COL27A1: variants seen among roughly 807,000 people sequenced by gnomAD.
COL27A1 encodes collagen type XXVII alpha 1 chain.
In COL27A1, 106 loss-of-function variants were observed where a neutral mutation model predicts 251.3. That is an observed-to-expected ratio of 0.42 (90% CI 0.36 to 0.50). The LOEUF is 0.50. COL27A1 is among the 20% of genes least tolerant of loss of function. The pLI is 0.00. For missense variants in COL27A1, 2,325 were observed against 2,522.8 expected (o/e 0.92, Z 1.68); for synonymous variants, 1,000 against 986.3 (o/e 1.01, Z -0.26).
intron 6 of COL27A1, among the ~76,000 whole-genome samples, chr9:114,195,558 C>T (rs1488913069): frequency 6.6e-6 from 1 of 152,196 alleles, no homozygotes; most frequent in Non-Finnish European, 1.5e-5. Context: ...GGCAGAAATG[C>T]CCCCTGCTTG....
intron 7 of COL27A1, among the ~76,000 whole-genome samples, chr9:114,196,432 C>T (rs1829137093): frequency 6.6e-6 from 1 of 152,164 alleles, no homozygotes; most frequent in Admixed American, 6.5e-5. Flanking sequence ...GAGATGGAGA[C>T]AATGATCCCC....
At position 114,242,204 on chromosome 9, in the gene COL27A1, G is replaced by A; in HGVS notation, c.2853G>A (p.Met951Ile). The stretch of plus-strand genomic sequence containing the variant: ...AATTCTAGGGAGATGAGGGACCCAT[G>A]GGGCCGCCAGGGGCCCCTGGCTTGG... ...QLGPEGDEGPMGPPGAPGLEG... is the reference protein window; with the variant it reads ...QLGPEGDEGPIGPPGAPGLEG... The change falls in exon 22 of 61, where the codon ATG becomes ATA. Residue 951 changes from methionine (M) to isoleucine (I), a missense_variant. By Grantham distance (10) the Met-to-Ile change is conservative. This residue lies in a region of COL27A1 where 662 missense variants were observed against 795.3 expected (regional missense o/e 0.83). Coordinates refer to ENST00000356083, the MANE Select transcript of COL27A1 (RefSeq NM_032888.4). 1 of 1,608,428 alleles carries A rather than the reference G, an allele frequency of 6.2e-7. No individual in the cohort carries two copies. Among genetic ancestry groups the A allele is most frequent in the South Asian group, 1.1e-5 (1 of 90,168 alleles).
At chr9:114,196,838 C>T (rs1829172233) in intron 7 of COL27A1, among the ~76,000 whole-genome samples, 1 of 152,098 alleles carries the variant, frequency 6.6e-6, no homozygotes, top group African/African-American at 2.4e-5. Flanking sequence ...CTCCTCCAGC[C>T]TGTGTCTCCC....
chr9:114,291,725 G>A (rs942750708), intron 48 of COL27A1, among the ~76,000 whole-genome samples: 2 of 152,182 alleles, frequency 1.3e-5, no homozygotes, highest in Non-Finnish European at 2.9e-5. Flanking sequence ...CTCCAGCCTG[G>A]GCGGCAGAGC....
At chr9:114,309,161 G>A in intron 59 of COL27A1, 99 bp from the exon 60 acceptor site, 1 of 936,642 alleles carries the variant, frequency 1.1e-6, no homozygotes, top group South Asian at 1.4e-5. Flanking sequence ...TTGCCAGGAA[G>A]GGGCCTATCC....
At chr9:114,184,857 T>C (rs1828211228) in intron 5 of COL27A1, among the ~76,000 whole-genome samples, 1 of 152,210 alleles carries the variant, frequency 6.6e-6, no homozygotes, top group African/African-American at 2.4e-5. Context: ...TGGAGAGTTC[T>C]GCTTTGCAGA....
chr9:114,180,804 G>C (rs951490359), intron 4 of COL27A1, among the ~76,000 whole-genome samples: 3 of 152,118 alleles, frequency 2.0e-5, no homozygotes, highest in Non-Finnish European at 4.4e-5. Context: ...TATGTGCCTC[G>C]TTTCTCTGCA....
rs41305467 is a variant in COL27A1 at position 114,209,847 on chromosome 9, G to A, written c.2322+119G>A. ...TTCCTCCTGGAGGAGGTGCACTTGA[G>A]TCGAGTAGGAGTCTGATAAGGGGAC... On this transcript the variant is annotated intron_variant, in intron 11 of 60. Coordinates refer to ENST00000356083, the MANE Select transcript of COL27A1 (RefSeq NM_032888.4). 2,075 of 917,354 alleles carry A rather than the reference G, an allele frequency of 2.3e-3. 4 individuals are homozygous for A. Among genetic ancestry groups the A allele is most frequent in the Non-Finnish European group, 3.1e-3 (1,743 of 564,782 alleles). The allele number at this position is 917,354 out of a possible 1,614,324, so 56.8% of individuals were successfully genotyped here.
intron 25 of COL27A1, among the ~76,000 whole-genome samples, chr9:114,251,829 G>A (rs1160262368): frequency 6.6e-6 from 1 of 152,250 alleles, no homozygotes; most frequent in Non-Finnish European, 1.5e-5. Flanking sequence ...CCCCAAGTGG[G>A]TCAAGTCCTC....
intron 1 of COL27A1, among the ~76,000 whole-genome samples, chr9:114,157,126 A>C (rs1848180415): frequency 6.8e-6 from 1 of 147,442 alleles, no homozygotes; most frequent in African/African-American, 2.5e-5. Flanking sequence ...GGCACCAGTG[A>C]GCACACTGCT....
chr9:114,198,447 C>T lies in COL27A1; in HGVS notation c.2124+2435C>T, dbSNP rs115805446. ...CCCAGCTGGGGAGCTCAAGCCCCAT[C>T]GTGGTGATTCTGGCTCAGCTGGTCT... On this transcript the variant is annotated intron_variant, in intron 7 of 60. Transcript: ENST00000356083. 4.0e-3 allele frequency among the ~76,000 whole-genome samples: 610 copies of T among 152,308 alleles called. 6 individuals carry two copies. Among genetic ancestry groups the T allele is most frequent in the African/African-American group, 0.014 (592 of 41,566 alleles).
At chr9:114,264,689 C>T (rs1564543794) in intron 29 of COL27A1, among the ~76,000 whole-genome samples, 1 of 152,182 alleles carries the variant, frequency 6.6e-6, no homozygotes, top group Non-Finnish European at 1.5e-5. Context: ...GCTGAGACTG[C>T]TTCTGGCAGC....
intron 14 of COL27A1, among the ~76,000 whole-genome samples, chr9:114,224,326 A>G (rs1031392534): frequency 6.6e-6 from 1 of 152,168 alleles, no homozygotes; most frequent in African/African-American, 2.4e-5. Context: ...AGCCTAGTCC[A>G]TTCTACAGAG....
At position 114,264,347 on chromosome 9, in the gene COL27A1, T is replaced by C; in HGVS notation, c.3196-8T>C. On this transcript the variant is annotated splice_region_variant and splice_polypyrimidine_tract_variant and intron_variant, in intron 28 of 60. Coordinates refer to ENST00000356083, the MANE Select transcript of COL27A1 (RefSeq NM_032888.4). Reference sequence around the variant, plus strand: ...GTCCGGTGTGCTAGTCCCTTTTTCCTATTCCAGGGCCCCCGAGGACCGGAC... The same window carrying C: ...GTCCGGTGTGCTAGTCCCTTTTTCCCATTCCAGGGCCCCCGAGGACCGGAC... 6.3e-7 allele frequency: 1 copy of C among 1,589,908 alleles called. No homozygotes were observed. The highest frequency in any genetic ancestry group is 8.6e-7 in the Non-Finnish European group (1 of 1,167,060).
chr9:114,199,393 G>A (rs1028165289), intron 7 of COL27A1, among the ~76,000 whole-genome samples: 1 of 152,096 alleles, frequency 6.6e-6, no homozygotes, highest in African/African-American at 2.4e-5. Context: ...AAACCTTGCT[G>A]TATAGAAACC....
intron 7 of COL27A1, among the ~76,000 whole-genome samples, chr9:114,201,511 G>T (rs542604787): frequency 1.8e-4 from 27 of 152,274 alleles, no homozygotes; most frequent in Admixed American, 3.9e-4. Context: ...AGAAACTGGG[G>T]TGTTCACGGC....
In COL27A1 at chr9:114,310,543, C is replaced by T; in HGVS notation, c.5437-6C>T. The stretch of plus-strand genomic sequence containing the variant: ...TGTACGTGTGCACTTTTCCTTCTGC[C>T]TTCAGGTCCAAGATGGCCGCTGGCA... On this transcript the variant is annotated splice_polypyrimidine_tract_variant and splice_region_variant and intron_variant, in intron 60 of 60. Transcript: ENST00000356083. 6.2e-7 allele frequency: 1 copy of T among 1,614,184 alleles called. No individual in the cohort carries two copies. Among genetic ancestry groups the T allele is most frequent in the Non-Finnish European group, 8.5e-7 (1 of 1,180,034 alleles).
chr9:114,308,014 A>C (rs771642647), intron 59 of COL27A1, among the ~76,000 whole-genome samples: 8 of 152,244 alleles, frequency 5.3e-5, no homozygotes, highest in Non-Finnish European at 1.0e-4. Context: ...TCTTTCTTCA[A>C]ATAGAATCTT....
intron 3 of COL27A1, among the ~76,000 whole-genome samples, chr9:114,172,412 C>A (rs1325102829): frequency 6.6e-6 from 1 of 152,174 alleles, no homozygotes; most frequent in Non-Finnish European, 1.5e-5. Flanking sequence ...TGTGACTGAT[C>A]CATGCTGAGC....
Sources: allele counts gnomAD v4.1 joint callset (sites outside exome capture counted in the v4.1 genomes callset), GRCh38; gene constraint gnomAD v4.1.1; regional missense constraint gnomAD v4.1.1; transcripts MANE v1.5; gene names NCBI Gene and HGNC (gene_info 2026-07-23, HGNC 2026-07-21).